Variants in RORA observed in about 807,000 individuals in gnomAD.
RORA encodes RAR related orphan receptor A.
A neutral mutation model predicts 69.5 loss-of-function variants in RORA; 7 were observed. The observed-to-expected ratio is 0.10, with a 90% CI of 0.06 to 0.19. The LOEUF is 0.19. RORA is among the 10% of genes least tolerant of loss of function. The probability of loss-of-function intolerance (pLI) is 1.00; values close to 1 mark genes in which losing one functional copy is unlikely to be tolerated. For missense variants in RORA, 457 were observed against 663.0 expected, an observed-to-expected ratio of 0.69 and a Z score of 3.41; for synonymous variants, 261 against 240.8, an observed-to-expected ratio of 1.08 and a Z score of -0.78.
At chr15:61,099,979 A>C (rs1284159654) in intron 1 of RORA, among the ~76,000 whole-genome samples, 1 of 152,222 alleles carries the variant, frequency 6.6e-6, no homozygotes, top group Non-Finnish European at 1.5e-5. Flanking sequence ...TAATTTAAAA[A>C]GAAGGAAACA....
At position 60,767,870 on chromosome 15, in the gene RORA, G is replaced by A. The variant is rs533091091; in HGVS notation, c.167-89184C>T. On this transcript the variant is annotated intron_variant, in intron 1 of 10. Transcript: ENST00000335670. ...GCCTCCATTTCTACTCAGGTGTCTC[G>A]TGGTAAAAGGTCCGTACACTGGTGG... is the stretch of plus-strand genomic sequence containing the variant. Among the ~76,000 whole-genome samples, 40 of 152,240 alleles carry A rather than the reference G, an allele frequency of 2.6e-4. No individual in the cohort carries two copies. The South Asian group carries it at 3.1e-3, about 12-fold the overall frequency.
At chr15:60,592,130 T>A (rs2068537212) in intron 2 of RORA, among the ~76,000 whole-genome samples, 1 of 151,508 alleles carries the variant, frequency 6.6e-6, no homozygotes, top group Non-Finnish European at 1.5e-5. Context: ...CCCAAGAGAC[T>A]GACAGGAGCC....
chr15:60,853,853 C>A (rs1414649611), intron 1 of RORA, among the ~76,000 whole-genome samples: 3 of 152,202 alleles, frequency 2.0e-5, no homozygotes, highest in Non-Finnish European at 2.9e-5. Context: ...CTTTTACCAT[C>A]CTTGTACTGT....
chr15:60,548,251 C>G (rs1241315404), intron 2 of RORA, among the ~76,000 whole-genome samples: 1 of 152,162 alleles, frequency 6.6e-6, no homozygotes, highest in African/African-American at 2.4e-5. Context: ...TGAAAGGACT[C>G]AGTGGTTTTG....
intron 1 of RORA, among the ~76,000 whole-genome samples, chr15:61,066,352 G>C (rs28663109): frequency 5.9e-4 from 89 of 150,842 alleles, no homozygotes; most frequent in Non-Finnish European, 1.1e-3. Context: ...ACTTTTTTTA[G>C]GACCAAAGTG....
Position 60,547,296 on chromosome 15 carries a change from A to C in RORA, c.197-15445T>G, listed in dbSNP as rs139327526. Reference sequence around the variant, plus strand: ...GCTCTCAGTGCCAATGAGATAAGACACAGCTGTACTTTATAGTCCCTCTCC... The same window carrying C: ...GCTCTCAGTGCCAATGAGATAAGACCCAGCTGTACTTTATAGTCCCTCTCC... On this transcript the variant is annotated intron_variant, in intron 2 of 10. Transcript: ENST00000335670. Among the ~76,000 whole-genome samples the C allele has an allele frequency of 4.6e-3, 698 of 150,386 alleles. 7 individuals carry two copies. Among genetic ancestry groups the C allele is most frequent in the South Asian group, 6.3e-3 (30 of 4,730 alleles).
intron 1 of RORA, among the ~76,000 whole-genome samples, chr15:60,900,670 G>A (rs547324707): frequency 8.5e-5 from 13 of 152,092 alleles, no homozygotes; most frequent in Non-Finnish European, 1.5e-4. Flanking sequence ...TCAAGAAATC[G>A]AGACCATCCT....
At chr15:60,879,242 G>A (rs780087397) in intron 1 of RORA, among the ~76,000 whole-genome samples, 6 of 152,136 alleles carry the variant, frequency 3.9e-5, no homozygotes, top group Non-Finnish European at 8.8e-5. Flanking sequence ...GGCCCACAGT[G>A]CTGAGTTTCA....
intron 1 of RORA, among the ~76,000 whole-genome samples, chr15:60,787,464 C>G (rs1331636629): frequency 7.2e-5 from 11 of 152,190 alleles, no homozygotes; most frequent in Non-Finnish European, 1.3e-4. Flanking sequence ...TCTGAGTGTT[C>G]CTCTGCAAGG....
chr15:61,068,004 C>T lies in RORA; in HGVS notation c.166+161049G>A, dbSNP rs146713258. On this transcript the variant is annotated intron_variant, in intron 1 of 10. Transcript: ENST00000335670. Reference sequence around the variant, plus strand: ...GCTTTTGGTCTTTGATTCCAGCATCCTCCATGATTATACCCAGCACTAGGT... The same window carrying T: ...GCTTTTGGTCTTTGATTCCAGCATCTTCCATGATTATACCCAGCACTAGGT... Among the ~76,000 whole-genome samples the T allele has an allele frequency of 2.6e-5, 4 of 152,298 alleles. No homozygotes were observed. The East Asian group carries it at 7.7e-4, about 29-fold the overall frequency.
chr15:60,908,901 T>C (rs1239512998), intron 1 of RORA, among the ~76,000 whole-genome samples: 1 of 151,752 alleles, frequency 6.6e-6, no homozygotes, highest in Non-Finnish European at 1.5e-5. Context: ...TTAAAGAGAG[T>C]TCTACTGTAG....
chr15:60,778,147 A>G (rs920499312), intron 1 of RORA, among the ~76,000 whole-genome samples: 2 of 152,242 alleles, frequency 1.3e-5, no homozygotes, highest in African/African-American at 2.4e-5. Flanking sequence ...CAATTATCCA[A>G]TGCTCAGTGC....
At chr15:60,685,983 C>G (rs931042307) in intron 1 of RORA, among the ~76,000 whole-genome samples, 1 of 151,876 alleles carries the variant, frequency 6.6e-6, no homozygotes, top group Admixed American at 6.6e-5. Context: ...GTGCTTTGGA[C>G]GCCATGAAAA....
chr15:60,516,246 TA>T, intron 3 of RORA, among the ~76,000 whole-genome samples: 1 of 86,596 alleles, frequency 1.2e-5, no homozygotes, highest in African/African-American at 5.1e-5. Context: ...TATATATATA[TA>T]TTTATATATA....
chr15:60,894,555 T>C (rs1456631593), intron 1 of RORA, among the ~76,000 whole-genome samples: 9 of 152,188 alleles, frequency 5.9e-5, no homozygotes, highest in Admixed American at 5.9e-4. Flanking sequence ...GATGGTTCCT[T>C]TGCAGTCTTC....
intron 1 of RORA, among the ~76,000 whole-genome samples, chr15:61,078,515 A>G (rs190748323): frequency 2.1e-3 from 325 of 152,314 alleles, no homozygotes; most frequent in African/African-American, 7.3e-3. Context: ...AAAGGCTTTA[A>G]ACAGGTTCTG....
intron 1 of RORA, among the ~76,000 whole-genome samples, chr15:60,708,571 G>A (rs2071100425): frequency 6.6e-6 from 1 of 152,114 alleles, no homozygotes; most frequent in South Asian, 2.1e-4. Flanking sequence ...AGCTTCTATT[G>A]AATAAAGGGC....
At chr15:61,009,467 G>C (rs1342333191) in intron 1 of RORA, among the ~76,000 whole-genome samples, 1 of 152,138 alleles carries the variant, frequency 6.6e-6, no homozygotes, top group East Asian at 1.9e-4. Flanking sequence ...TGATTCATCC[G>C]TACGATACAG....
chr15:60,874,029 G>T (rs1238676650), intron 1 of RORA, among the ~76,000 whole-genome samples: 4 of 151,944 alleles, frequency 2.6e-5, no homozygotes, highest in Non-Finnish European at 2.9e-5. Context: ...CCAAGCCAAG[G>T]CATGAAGTCC....
Sources: allele counts gnomAD v4.1 joint callset (sites outside exome capture counted in the v4.1 genomes callset), GRCh38; gene constraint gnomAD v4.1.1; transcripts MANE v1.5; gene names NCBI Gene and HGNC (gene_info 2026-07-23, HGNC 2026-07-21).